CPVL: variants seen among roughly 807,000 people sequenced by gnomAD.
CPVL encodes the protein probable serine carboxypeptidase CPVL.
CPVL carries 51 observed loss-of-function variants against 63.7 expected under a neutral mutation model. That is an observed-to-expected ratio of 0.80 (90% CI 0.64 to 1.01). The LOEUF (loss-of-function observed/expected upper bound fraction) is 1.01, where lower values mean the gene tolerates loss of function less well. Among genes scored for constraint, CPVL ranks in the 50% least tolerant of loss-of-function variants. The pLI, the probability that CPVL is intolerant of heterozygous loss-of-function variation, is 0.00. For synonymous variants in CPVL, 195 were observed against 206.0 expected (o/e 0.95, Z 0.46); for missense variants, 530 against 573.1 (o/e 0.92, Z 0.77).
At chr7:29,168,758 T>G (rs1562804861) in intron 5 of CPVL, among the ~76,000 whole-genome samples, 1 of 152,230 alleles carries the variant, frequency 6.6e-6, no homozygotes, top group African/African-American at 2.4e-5. Context: ...TTCCATTATA[T>G]TATGCTAAAA....
chr7:29,069,108 C>T (rs181444078), intron 9 of CPVL, among the ~76,000 whole-genome samples: 15 of 152,168 alleles, frequency 9.9e-5, no homozygotes, highest in African/African-American at 3.6e-4. Flanking sequence ...AATATAAAGT[C>T]AACCTTGAAG....
chr7:29,093,895 G>A (rs988224225), intron 5 of CPVL, among the ~76,000 whole-genome samples: 4 of 152,184 alleles, frequency 2.6e-5, no homozygotes, highest in African/African-American at 9.7e-5. Context: ...AGAAGTTAAA[G>A]ATTTTAGTTA....
intron 6 of CPVL, among the ~76,000 whole-genome samples, chr7:29,088,327 T>A (rs1785412955): frequency 6.6e-6 from 1 of 152,236 alleles, no homozygotes; most frequent in Non-Finnish European, 1.5e-5. Context: ...TTTTATCTGA[T>A]AATCTTGGTC....
At chr7:29,165,829 T>C (rs1176970801) in intron 5 of CPVL, among the ~76,000 whole-genome samples, 1 of 152,248 alleles carries the variant, frequency 6.6e-6, no homozygotes, top group Non-Finnish European at 1.5e-5. Flanking sequence ...TGTATTAATA[T>C]GGTGAATTAC....
At chr7:29,180,250 G>A (rs1159288975) in intron 5 of CPVL, among the ~76,000 whole-genome samples, 1 of 152,190 alleles carries the variant, frequency 6.6e-6, no homozygotes, top group Non-Finnish European at 1.5e-5. Context: ...TCTAGGCCGG[G>A]TGTGGTGGCT....
intron 5 of CPVL, among the ~76,000 whole-genome samples, chr7:29,094,871 T>C (rs553458073): frequency 2.5e-4 from 38 of 150,544 alleles, no homozygotes; most frequent in Admixed American, 1.1e-3. Flanking sequence ...AATGAGGAAA[T>C]GAGAGAAGGC....
Position 29,030,604 on chromosome 7 carries a change from GT to G in CPVL, c.1292del (p.Tyr431SerfsTer11). 1 of 1,613,224 alleles carries G rather than the reference GT, an allele frequency of 6.2e-7. No homozygotes were observed. Among genetic ancestry groups the G allele is most frequent in the Non-Finnish European group, 8.5e-7 (1 of 1,179,604 alleles). On this transcript the variant is annotated frameshift_variant, in exon 12 of 13. Transcript: ENST00000265394. LOFTEE classifies it high-confidence loss of function. Reference protein sequence around the residue: ...IFKSDSEVAGYIRQAGDFHQV... With the variant: ...IFKSDSEVAGXIRQAGDFHQV... ...GATGGAAGTCACCCGCTTGCCGGAT[GT>G]AACCAGCCACTTCACTGTCAGATTT...
At chr7:29,146,817 C>T, upstream of CPVL, 1 of 1,550,472 alleles carries the variant, frequency 6.4e-7, no homozygotes, top group Non-Finnish European at 8.7e-7. Context: ...AAAATTTCAA[C>T]CCTGTATTTT....
chr7:29,186,516 A>G (rs375192934), exon 2 of CPVL: 1 of 151,258 alleles, frequency 6.6e-6, no homozygotes, highest in African/African-American at 2.4e-5. Context: ...AGGCTGTAGC[A>G]GTGAGCTGTG....
At chr7:29,092,315 C>G (rs1037363893) in intron 6 of CPVL, among the ~76,000 whole-genome samples, 3 of 151,154 alleles carry the variant, frequency 2.0e-5, no homozygotes, top group Non-Finnish European at 4.4e-5. Context: ...CCAAAAGCCA[C>G]GAAAAGAAGA....
intron 11 of CPVL, among the ~76,000 whole-genome samples, chr7:29,043,835 G>A (rs936046996): frequency 3.3e-5 from 5 of 152,088 alleles, no homozygotes; most frequent in Admixed American, 6.5e-5. Context: ...GGCTTCTGTC[G>A]GCAGTGGGAA....
chr7:29,194,650 C>G (rs1056009490), intron 1 of CPVL: 2 of 324,132 alleles, frequency 6.2e-6, no homozygotes, highest in Non-Finnish European at 1.1e-5. Flanking sequence ...GAGATCCGCC[C>G]GTCCCGGCTG....
chr7:29,074,873 TA>T (rs1431200536), intron 7 of CPVL, among the ~76,000 whole-genome samples: 1 of 151,734 alleles, frequency 6.6e-6, no homozygotes, highest in African/African-American at 2.4e-5. Flanking sequence ...AAAACTATAT[TA>T]TGGAAACCAT....
At chr7:29,114,702 T>G (rs1194317731) in intron 2 of CPVL, among the ~76,000 whole-genome samples, 1 of 152,160 alleles carries the variant, frequency 6.6e-6, no homozygotes, top group East Asian at 1.9e-4. Context: ...GTTCCTTTGC[T>G]GATCCTAGTG....
intron 6 of CPVL, among the ~76,000 whole-genome samples, chr7:29,092,265 GAA>G (rs1785893889): frequency 2.0e-5 from 3 of 150,308 alleles, no homozygotes; most frequent in East Asian, 3.9e-4. Context: ...TTTCAGCCTG[GAA>G]AAGTCATGAA....
intron 1 of CPVL, among the ~76,000 whole-genome samples, chr7:29,137,847 A>G (rs980970733): frequency 8.8e-6 from 1 of 114,260 alleles, no homozygotes; most frequent in African/African-American, 3.3e-5. Context: ...GGAGAAAAGC[A>G]TAAGTAGGAA....
At chr7:29,042,189 T>A (rs1453252663) in intron 11 of CPVL, among the ~76,000 whole-genome samples, 1 of 152,132 alleles carries the variant, frequency 6.6e-6, no homozygotes, top group Non-Finnish European at 1.5e-5. Context: ...CAGCAGATAC[T>A]CCCATAATAG....
At chr7:29,093,412 T>C (rs1185198974) in intron 5 of CPVL, among the ~76,000 whole-genome samples, 1 of 151,610 alleles carries the variant, frequency 6.6e-6, no homozygotes, top group Non-Finnish European at 1.5e-5. Context: ...AGAAACTCTT[T>C]AGGCTGAAGA....
At chr7:29,032,434 CAACTG>C (rs999231671) in intron 11 of CPVL, among the ~76,000 whole-genome samples, 5 of 152,112 alleles carry the variant, frequency 3.3e-5, no homozygotes, top group Admixed American at 2.6e-4. Flanking sequence ...TAAAAAAATT[CAACTG>C]AACTCCAGTA....
Sources: allele counts gnomAD v4.1 joint callset (sites outside exome capture counted in the v4.1 genomes callset), GRCh38; gene constraint gnomAD v4.1.1; transcripts MANE v1.5; gene names NCBI Gene and HGNC (gene_info 2026-07-23, HGNC 2026-07-21).